Variants in ATP6V1C1 observed in about 807,000 individuals in gnomAD.
ATP6V1C1 encodes ATPase H+ transporting V1 subunit C1, also known as V-type proton ATPase subunit C 1.
Under a neutral mutation model 53.9 loss-of-function variants are expected in ATP6V1C1, and 45 were observed. The ratio of observed to expected loss-of-function variants is 0.83; its 90% CI spans 0.66 to 1.07. The LOEUF (loss-of-function observed/expected upper bound fraction) is 1.07. ATP6V1C1 is among the 50% of genes least tolerant of loss of function. The pLI, the probability that ATP6V1C1 is intolerant of heterozygous loss-of-function variation, is 0.00. For missense variants in ATP6V1C1, 315 were observed against 440.3 expected, an observed-to-expected ratio of 0.72 and a Z score of 2.55; for synonymous variants, 153 against 155.2, an observed-to-expected ratio of 0.99 and a Z score of 0.11.
chr8:103,032,013 A>C (rs1196617535), intron 1 of ATP6V1C1, among the ~76,000 whole-genome samples: 6 of 84,546 alleles, frequency 7.1e-5, no homozygotes, highest in Admixed American at 5.1e-4. Context: ...AAAAAAAAAC[A>C]AAAAACAAAA....
At chr8:103,051,244 A>G in intron 5 of ATP6V1C1, 100 bp downstream of exon 5, 1 of 819,298 alleles carries the variant, frequency 1.2e-6, no homozygotes, top group South Asian at 1.8e-5. Context: ...TGATAAGGCA[A>G]CTTAATTATA....
chr8:103,053,472 C>A (rs539577200), intron 6 of ATP6V1C1, among the ~76,000 whole-genome samples: 82 of 151,792 alleles, frequency 5.4e-4, no homozygotes, highest in African/African-American at 2.0e-3. Flanking sequence ...GGGTTAGCTA[C>A]CAAAATTGCC....
intron 3 of ATP6V1C1, among the ~76,000 whole-genome samples, chr8:103,046,492 A>G (rs972370784): frequency 3.9e-5 from 6 of 152,172 alleles, no homozygotes; most frequent in African/African-American, 1.2e-4. Flanking sequence ...GATTTCAGGC[A>G]TGAGTCACTG....
intron 1 of ATP6V1C1, among the ~76,000 whole-genome samples, chr8:103,028,688 A>G (rs1816740156): frequency 6.6e-6 from 1 of 152,226 alleles, no homozygotes; most frequent in Admixed American, 6.5e-5. Context: ...AGACAATTAT[A>G]TGCAGAACTG....
rs1817432512 is a variant in ATP6V1C1, at chr8:103,063,131, T to A, written c.735-4T>A. 2 of 1,612,662 alleles carry A rather than the reference T, an allele frequency of 1.2e-6. No individual in the cohort carries two copies. The highest frequency in any genetic ancestry group is 1.1e-5 in the South Asian group (1 of 90,988). On this transcript the variant is annotated splice_polypyrimidine_tract_variant and splice_region_variant and intron_variant, in intron 9 of 12. Coordinates refer to ENST00000518738, the MANE Select transcript of ATP6V1C1 (RefSeq NM_001695.5). The stretch of plus-strand genomic sequence containing the variant: ...CAATTTTGTTTTTTTTCCCCCAAAT[T>A]TAGATTCATTGTTCGTGACTTCCAG...
intron 11 of ATP6V1C1, among the ~76,000 whole-genome samples, chr8:103,065,703 A>G (rs762044590): frequency 9.9e-5 from 15 of 152,186 alleles, no homozygotes; most frequent in Non-Finnish European, 1.9e-4. Context: ...GTATCTGCTG[A>G]CCTTACTTCT....
intron 8 of ATP6V1C1, among the ~76,000 whole-genome samples, chr8:103,062,170 T>G (rs1482412034): frequency 7.7e-6 from 1 of 129,772 alleles, no homozygotes; most frequent in East Asian, 2.2e-4. Context: ...GGTTTTTTTT[T>G]TTTTTTTTTT....
At chr8:103,068,349 A>T (rs924897455) in intron 12 of ATP6V1C1, among the ~76,000 whole-genome samples, 2 of 152,246 alleles carry the variant, frequency 1.3e-5, no homozygotes, top group Non-Finnish European at 2.9e-5. Context: ...TCCAAGATTT[A>T]AAAAGTTAAT....
At chr8:103,056,052 G>A in intron 8 of ATP6V1C1, 116 bp downstream of exon 8, 1 of 929,550 alleles carries the variant, frequency 1.1e-6, no homozygotes. Context: ...CCTCATGAGT[G>A]AGTTCTATGA....
At chr8:103,042,958 A>G (rs1047023411) in intron 3 of ATP6V1C1, among the ~76,000 whole-genome samples, 36 of 152,300 alleles carry the variant, frequency 2.4e-4, no homozygotes, top group South Asian at 1.7e-3. Context: ...ATATTCCACT[A>G]TATATGTATA....
chr8:103,025,258 A>C (rs1044209110), intron 1 of ATP6V1C1, among the ~76,000 whole-genome samples: 1 of 152,196 alleles, frequency 6.6e-6, no homozygotes, highest in Non-Finnish European at 1.5e-5. Flanking sequence ...TAGTGTTTCT[A>C]TGTGGGTGCT....
In ATP6V1C1 at chr8:103,069,306, G is replaced by A. The variant is rs1478367488; in HGVS notation, c.*559G>A. On this transcript the variant is annotated 3_prime_UTR_variant, in exon 13 of 13. Transcript: ENST00000518738. ...GTGTATTGTGGTGTGTGTAACTTAA[G>A]ATTACAGTTCTGTTTGAGAGTTAAA... 1 of 152,180 alleles carries A rather than the reference G, an allele frequency of 6.6e-6. No homozygotes were observed. The highest frequency in any genetic ancestry group is 6.5e-5 in the Admixed American group (1 of 15,282). 9.4% of individuals were successfully genotyped at this position (152,180 alleles called of 1,614,324 possible). A position where few individuals can be genotyped will look rare whatever the true frequency, so the allele number is the denominator to read the frequency against.
intron 1 of ATP6V1C1, among the ~76,000 whole-genome samples, chr8:103,031,077 G>A (rs1044284681): frequency 6.6e-6 from 1 of 152,138 alleles, no homozygotes; most frequent in Non-Finnish European, 1.5e-5. Flanking sequence ...TTAAAAGGAA[G>A]ACAGCAAAGT....
At chr8:103,058,983 A>AATTT (rs1554601054) in intron 8 of ATP6V1C1, among the ~76,000 whole-genome samples, 152 of 137,552 alleles carry the variant, frequency 1.1e-3, no homozygotes, top group African/African-American at 3.8e-3. Context: ...CCACTTTCCT[A>AATTT]TTTTTTTTTT....
intron 12 of ATP6V1C1, 109 bp from the exon 13 acceptor site, chr8:103,068,542 AT>A: frequency 1.4e-6 from 1 of 699,530 alleles, no homozygotes; most frequent in Non-Finnish European, 2.2e-6. Context: ...CCTTAAGTGC[AT>A]ACATTTAGCC....
At chr8:103,053,762 G>A (rs1427529184) in intron 6 of ATP6V1C1, 122 bp from the exon 7 acceptor site, 1 of 675,634 alleles carries the variant, frequency 1.5e-6, no homozygotes. Flanking sequence ...TAAAAATGTT[G>A]ACTAAGACTA....
intron 1 of ATP6V1C1, among the ~76,000 whole-genome samples, chr8:103,024,096 C>G (rs555676612): frequency 6.6e-6 from 1 of 152,278 alleles, no homozygotes; most frequent in Admixed American, 6.5e-5. Flanking sequence ...TTGTCAATCA[C>G]AGTTCTTTGG....
intron 1 of ATP6V1C1, among the ~76,000 whole-genome samples, chr8:103,033,027 C>G (rs982006810): frequency 4.6e-5 from 7 of 152,202 alleles, no homozygotes; most frequent in African/African-American, 7.2e-5. Flanking sequence ...ACTACTAATA[C>G]ATACAACACG....
chr8:103,045,708 A>G lies in ATP6V1C1; in HGVS notation c.201-3162A>G, dbSNP rs763464862. Among the ~76,000 whole-genome samples, 38 of 152,134 alleles carry G rather than the reference A, an allele frequency of 2.5e-4. 1 individual carries two copies. Among genetic ancestry groups the G allele is most frequent in the Admixed American group, 9.8e-4 (15 of 15,274 alleles). On this transcript the variant is annotated intron_variant, in intron 3 of 12. Coordinates refer to ENST00000518738, the MANE Select transcript of ATP6V1C1 (RefSeq NM_001695.5). ...TGTAATCCCAGCACTTTGGGAGGCC[A>G]AGGTGGGCGGATCATGAGGTCAGGA...
Sources: allele counts gnomAD v4.1 joint callset (sites outside exome capture counted in the v4.1 genomes callset), GRCh38; gene constraint gnomAD v4.1.1; transcripts MANE v1.5; gene names NCBI Gene and HGNC (gene_info 2026-07-23, HGNC 2026-07-21).